The following NEK5 variants were observed in gnomAD, a reference collection of about 807,000 sequenced individuals.
NEK5 encodes NIMA related kinase 5.
Under a neutral mutation model 109.2 loss-of-function variants are expected in NEK5, and 88 were observed. That is an observed-to-expected ratio of 0.81 (90% confidence interval 0.68 to 0.96). NEK5 has a LOEUF of 0.96. Ranked by LOEUF, NEK5 falls within the 40% of genes least tolerant of loss-of-function variation. NEK5 has a pLI of 0.00. For missense variants in NEK5, 834 were observed against 920.7 expected (o/e 0.91, Z 1.22); for synonymous variants, 283 against 299.9 (o/e 0.94, Z 0.58).
intron 23 of NEK5, among the ~76,000 whole-genome samples, chr13:52,047,412 C>T (rs1179854901): frequency 1.3e-5 from 2 of 152,084 alleles, no homozygotes; most frequent in African/African-American, 4.8e-5. Context: ...GAGAAGTATA[C>T]ACAAGAAGCA....
intron 23 of NEK5, among the ~76,000 whole-genome samples, chr13:52,043,471 A>T (rs529335025): frequency 6.7e-6 from 1 of 149,318 alleles, no homozygotes; most frequent in East Asian, 2.0e-4. Flanking sequence ...CCGGAGGCAG[A>T]GGTTGCAGTG....
At chr13:52,073,592 G>A (rs766116521) in intron 19 of NEK5, among the ~76,000 whole-genome samples, 2 of 152,056 alleles carry the variant, frequency 1.3e-5, no homozygotes, top group Non-Finnish European at 2.9e-5. Flanking sequence ...TGGGATTACA[G>A]CTGTGAGCCA....
At chr13:52,065,132 T>TAAA in intron 21 of NEK5, 1 of 282,306 alleles carries the variant, frequency 3.5e-6, no homozygotes, top group Admixed American at 4.8e-5. Context: ...AAATAAAAAT[T>TAAA]AAAAAAAAAA....
chr13:52,126,793 A>G (rs1254136417), intron 3 of NEK5, among the ~76,000 whole-genome samples: 1 of 152,134 alleles, frequency 6.6e-6, no homozygotes, highest in Non-Finnish European at 1.5e-5. Context: ...AAGAAAAGAA[A>G]AGAAAACAAA....
At chr13:52,065,229 C>A in intron 21 of NEK5, 2 of 541,502 alleles carry the variant, frequency 3.7e-6, no homozygotes, top group East Asian at 2.8e-5. Flanking sequence ...CGCATTTTCC[C>A]TCACTCTGAG....
chr13:52,045,041 C>A (rs1395256963), intron 23 of NEK5, among the ~76,000 whole-genome samples: 1 of 149,272 alleles, frequency 6.7e-6, no homozygotes, highest in East Asian at 2.0e-4. Flanking sequence ...GTTTATAAAT[C>A]AATAATTAGA....
Position 52,087,341 on chromosome 13 carries a change from T to TTCC in NEK5, c.1386_1388dup (p.Glu463dup), listed in dbSNP as rs1479944307. On this transcript the variant is annotated inframe_insertion, in exon 15 of 24. Coordinates refer to ENST00000684899, the MANE Select transcript of NEK5 (RefSeq NM_001365552.1). ...CTGGAATTAAACAGTTTTTAACCTG[T>TTCC]TCCTTCATTTCGTTTTTCCTAAATG... 3 of 1,487,818 alleles carry TTCC rather than the reference T, an allele frequency of 2.0e-6. No homozygotes were observed. The African/African-American group carries it at 4.1e-5, about 20-fold the overall frequency. The allele number at this position is 1,487,818 out of a possible 1,614,324, so 92.2% of individuals were successfully genotyped here.
intron 9 of NEK5, among the ~76,000 whole-genome samples, chr13:52,103,859 G>T (rs1955593346): frequency 6.6e-6 from 1 of 152,174 alleles, no homozygotes; most frequent in African/African-American, 2.4e-5. Flanking sequence ...CATCCCATGT[G>T]ACCTCTGGGA....
intron 17 of NEK5, among the ~76,000 whole-genome samples, chr13:52,076,781 A>T (rs981576146): frequency 8.5e-5 from 13 of 152,104 alleles, no homozygotes; most frequent in African/African-American, 3.1e-4. Context: ...CCAACTGCCT[A>T]CTTAGCATTA....
At chr13:52,063,801 C>T (rs180851809) in intron 21 of NEK5, among the ~76,000 whole-genome samples, 1,956 of 151,746 alleles carry the variant, frequency 0.013, 48 homozygotes, top group African/African-American at 0.045. Context: ...GCCTGGCAAC[C>T]GCCCCATCTG....
At chr13:52,048,551 T>C (rs967889364) in intron 23 of NEK5, among the ~76,000 whole-genome samples, 1 of 152,212 alleles carries the variant, frequency 6.6e-6, no homozygotes, top group Non-Finnish European at 1.5e-5. Context: ...AGCTATACTA[T>C]ATTTATGGAT....
chr13:52,097,534 A>G (rs560251132), intron 12 of NEK5, among the ~76,000 whole-genome samples: 16 of 152,188 alleles, frequency 1.1e-4, no homozygotes, highest in Non-Finnish European at 2.2e-4. Context: ...TAGGTTTTGA[A>G]TTTGCATGGG....
intron 13 of NEK5, 28 bp downstream of exon 13, chr13:52,093,026 C>A: frequency 6.8e-7 from 1 of 1,476,592 alleles, no homozygotes; most frequent in Non-Finnish European, 9.2e-7. Context: ...TTAGATTAAC[C>A]AAAGCTTAAG....
chr13:52,122,754 G>A (rs866890947), intron 3 of NEK5, among the ~76,000 whole-genome samples: 2 of 151,238 alleles, frequency 1.3e-5, no homozygotes, highest in Non-Finnish European at 2.9e-5. Flanking sequence ...GCAACAGAGC[G>A]AGACTCCGTC....
rs527930625 is a variant in NEK5 at position 52,117,327 on chromosome 13, G to A, written c.214+1992C>T. ...TACCTACACTCTCTAAAAGACAGAG[G>A]CTACAAGGCCTCTGAGGCTTTTAGA... is the stretch of plus-strand genomic sequence containing the variant. On this transcript the variant is annotated intron_variant, in intron 4 of 23. Coordinates refer to ENST00000684899, the MANE Select transcript of NEK5 (RefSeq NM_001365552.1). 2.6e-5 allele frequency among the ~76,000 whole-genome samples: 4 copies of A among 152,266 alleles called. No homozygotes were observed. The South Asian group carries it at 8.3e-4, about 32-fold the overall frequency.
intron 22 of NEK5, among the ~76,000 whole-genome samples, chr13:52,052,959 G>C (rs1446101669): frequency 6.6e-6 from 1 of 152,146 alleles, no homozygotes; most frequent in East Asian, 1.9e-4. Flanking sequence ...CAATTGTTTA[G>C]GGCAATGGAA....
chr13:52,065,713 T>C (rs1232410431), intron 20 of NEK5, 104 bp from the exon 21 acceptor site: 14 of 747,694 alleles, frequency 1.9e-5, no homozygotes, highest in Non-Finnish European at 2.7e-5. Context: ...GCAGGTATGT[T>C]CAAAACCAGA....
intron 3 of NEK5, among the ~76,000 whole-genome samples, chr13:52,122,550 C>T (rs749542075): frequency 6.6e-6 from 1 of 152,090 alleles, no homozygotes; most frequent in Non-Finnish European, 1.5e-5. Flanking sequence ...AGGCAGATCA[C>T]GAAGTCAGTA....
At chr13:52,040,277 G>A (rs776120464) in intron 23 of NEK5, among the ~76,000 whole-genome samples, 4 of 151,918 alleles carry the variant, frequency 2.6e-5, no homozygotes, top group African/African-American at 4.8e-5. Context: ...TAGAGACGGG[G>A]TTTCACCATG....
Sources: gnomAD v4.1 joint callset for allele counts (sites outside exome capture counted in the v4.1 genomes callset) on GRCh38, gnomAD v4.1.1 for gene constraint, MANE v1.5 for transcripts, NCBI Gene and HGNC (gene_info 2026-07-23, HGNC 2026-07-21) for gene names.